The following PLA2G6 variants were observed in gnomAD, a reference collection of about 807,000 sequenced individuals.
PLA2G6 encodes 85/88 kDa calcium-independent phospholipase A2.
PLA2G6 carries 62 observed loss-of-function variants against 83.8 expected under a neutral mutation model. The ratio of observed to expected loss-of-function variants is 0.74; its 90% CI spans 0.60 to 0.91. The LOEUF is 0.91. Ranked by LOEUF, PLA2G6 falls within the 40% of genes least tolerant of loss-of-function variation. The probability of loss-of-function intolerance (pLI) is 0.00; values close to 1 mark genes in which losing one functional copy is unlikely to be tolerated. For synonymous variants in PLA2G6, 417 were observed against 449.8 expected (o/e 0.93, Z 0.92); for missense variants, 944 against 1,102.0 (o/e 0.86, Z 2.03).
chr22:38,132,106 C>G lies in PLA2G6; in HGVS notation c.1077+725G>C, dbSNP rs947497161. The G allele has an allele frequency of 8.8e-6, 4 of 455,690 alleles. No individual in the cohort carries two copies. The highest frequency in any genetic ancestry group is 1.8e-5 in the Non-Finnish European group (4 of 226,738). The allele number at this position is 455,690 out of a possible 1,614,324, so 28.2% of individuals were successfully genotyped here. On this transcript the variant is annotated intron_variant, in intron 7 of 16. Transcript: ENST00000332509. The surrounding 1 kb of genome is among the most constrained non-coding windows in gnomAD (Gnocchi z 5.0). ...CTCCAGCCTGGGCGACAGTGCGAGA[C>G]TCCATCTCGAAAAAAAAGAATACAT...
intron 12 of PLA2G6, chr22:38,116,527 G>T: frequency 2.1e-6 from 1 of 475,148 alleles, no homozygotes; most frequent in South Asian, 1.7e-5. Flanking sequence ...GGAAAGAAAA[G>T]GGGGCCGCAC....
intron 6 of PLA2G6, chr22:38,134,734 TTCA>T (rs2088432247): frequency 3.7e-6 from 2 of 536,386 alleles, no homozygotes; most frequent in Non-Finnish European, 6.7e-6. Context: ...CCTTGCTGAC[TTCA>T]TCACATCGCC....
chr22:38,126,942 C>A, intron 9 of PLA2G6: 1 of 985,368 alleles, frequency 1.0e-6, no homozygotes, highest in Non-Finnish European at 1.3e-6. Context: ...GGTTTAAGTC[C>A]ATGGATGAAA....
intron 2 of PLA2G6, among the ~76,000 whole-genome samples, chr22:38,155,036 G>A (rs2089720215): frequency 2.0e-5 from 3 of 152,126 alleles, no homozygotes; most frequent in Admixed American, 2.0e-4. Flanking sequence ...GACTATCCTG[G>A]CTAACATGGT....
At chr22:38,125,327 T>C (rs1341053830) in intron 10 of PLA2G6, among the ~76,000 whole-genome samples, 4 of 151,838 alleles carry the variant, frequency 2.6e-5, no homozygotes, top group Non-Finnish European at 5.9e-5. Flanking sequence ...CATGTGTGCG[T>C]GTGTGTGTGC....
chr22:38,113,149 C>T (rs892278788), intron 15 of PLA2G6, among the ~76,000 whole-genome samples: 4 of 152,140 alleles, frequency 2.6e-5, no homozygotes, highest in South Asian at 2.1e-4. Flanking sequence ...TCAAGTGGTC[C>T]GCCTGCCTTG....
At position 38,111,811 on chromosome 22, in the gene PLA2G6, G is replaced by A. The variant is rs11570770; in HGVS notation, c.*350C>T. The stretch of plus-strand genomic sequence containing the variant: ...CTGGGGGCTGGGGCAGAGGCAGCCC[G>A]GCAGGCCCTCAGGGAGGCTGGGGCT... On this transcript the variant is annotated 3_prime_UTR_variant, in exon 17 of 17. Transcript: ENST00000332509. The A allele has an allele frequency of 1.1e-3, 402 of 369,210 alleles. 1 individual carries two copies. Among genetic ancestry groups the A allele is most frequent in the African/African-American group, 7.4e-3 (353 of 47,548 alleles). 22.9% of individuals were successfully genotyped at this position (369,210 alleles called of 1,614,324 possible).
chr22:38,176,275 C>T (rs1370926085), intron 1 of PLA2G6, among the ~76,000 whole-genome samples: 1 of 152,170 alleles, frequency 6.6e-6, no homozygotes, highest in African/African-American at 2.4e-5. Context: ...CTGCTTCCTT[C>T]TTGACTAAGC....
At chr22:38,174,908 G>A (rs1285578931) in intron 1 of PLA2G6, among the ~76,000 whole-genome samples, 2 of 152,134 alleles carry the variant, frequency 1.3e-5, no homozygotes, top group African/African-American at 2.4e-5. Context: ...CTCATGACGA[G>A]GAGCCAAGCC....
At chr22:38,143,623 G>C (rs935185575) in intron 3 of PLA2G6, 1 of 432,814 alleles carries the variant, frequency 2.3e-6, no homozygotes, top group Admixed American at 3.5e-5. Context: ...CTTTCTGGGC[G>C]TCAATATCCT....
rs11570758 is a variant in PLA2G6, at chr22:38,113,836, A to G, written c.2035-182T>C. The G allele has an allele frequency of 1.1e-5, 8 of 700,194 alleles. No homozygotes were observed. The African/African-American group carries it at 1.4e-4, about 12-fold the overall frequency. 43.4% of individuals were successfully genotyped at this position (700,194 alleles called of 1,614,324 possible). On this transcript the variant is annotated intron_variant, in intron 14 of 16. Transcript: ENST00000332509. Reference sequence around the variant, plus strand: ...CCAGCCTCTTGCACGTGACCCCAGAACGGCTGGTGCGGGCATCACATGCCA... The same window carrying G: ...CCAGCCTCTTGCACGTGACCCCAGAGCGGCTGGTGCGGGCATCACATGCCA...
At chr22:38,121,817 C>T (rs549649781) in intron 11 of PLA2G6, among the ~76,000 whole-genome samples, 5 of 152,282 alleles carry the variant, frequency 3.3e-5, no homozygotes, top group African/African-American at 1.2e-4. Context: ...ACCTCGTGCC[C>T]GCCCTTGGAC....
Position 38,132,391 on chromosome 22 carries a change from G to A in PLA2G6, c.1077+440C>T. 2 of 321,920 alleles carry A rather than the reference G, an allele frequency of 6.2e-6. No individual in the cohort carries two copies. The highest frequency in any genetic ancestry group is 5.1e-5 in the South Asian group (2 of 39,086). 19.9% of individuals were successfully genotyped at this position (321,920 alleles called of 1,614,324 possible). On this transcript the variant is annotated intron_variant, in intron 7 of 16. Coordinates refer to ENST00000332509, the MANE Select transcript of PLA2G6 (RefSeq NM_003560.4). This position sits in a 1 kb window ranked among gnomAD's most constrained non-coding sequence, Gnocchi z 5.0. ...GGAAGCAGGATGCTCACTCGGGCCA[G>A]GTACTGCGTGTGTCACTTAGACATT...
chr22:38,163,095 C>T (rs1385655654), intron 2 of PLA2G6, among the ~76,000 whole-genome samples: 1 of 152,102 alleles, frequency 6.6e-6, no homozygotes, highest in Non-Finnish European at 1.5e-5. Flanking sequence ...GTTCTCATTC[C>T]CCAGGGACCT....
At chr22:38,119,673 T>C (rs1300050608) in intron 12 of PLA2G6, among the ~76,000 whole-genome samples, 1 of 151,644 alleles carries the variant, frequency 6.6e-6, no homozygotes, top group Non-Finnish European at 1.5e-5. Flanking sequence ...AAAAAATACA[T>C]GTGTTGGCAC....
intron 12 of PLA2G6, among the ~76,000 whole-genome samples, chr22:38,116,582 T>C (rs796088464): frequency 6.6e-5 from 10 of 152,166 alleles, no homozygotes; most frequent in African/African-American, 2.4e-4. Context: ...CGGCTGGGCA[T>C]GGTGGCTCAT....
At chr22:38,112,781 G>C (rs2086958821) in intron 15 of PLA2G6, 2 of 627,604 alleles carry the variant, frequency 3.2e-6, no homozygotes, top group Non-Finnish European at 5.8e-6. Flanking sequence ...AATCAGAGGG[G>C]CAGAGGTCTC....
intron 12 of PLA2G6, among the ~76,000 whole-genome samples, chr22:38,118,758 T>TG (rs1232846260): frequency 6.6e-6 from 1 of 151,706 alleles, no homozygotes; most frequent in East Asian, 1.9e-4. Flanking sequence ...TTTTTGTTTT[T>TG]TTTTTTTTGT....
At chr22:38,114,589 T>A (rs2087075504) in intron 14 of PLA2G6, among the ~76,000 whole-genome samples, 1 of 152,148 alleles carries the variant, frequency 6.6e-6, no homozygotes, top group South Asian at 2.1e-4. Flanking sequence ...CCGCACGCAA[T>A]AGGAGAGTTA....
Sources: allele counts gnomAD v4.1 joint callset (sites outside exome capture counted in the v4.1 genomes callset), GRCh38; gene constraint gnomAD v4.1.1; non-coding constraint Gnocchi (gnomAD v3.1); transcripts MANE v1.5; gene names NCBI Gene and HGNC (gene_info 2026-07-23, HGNC 2026-07-21).